TXNRD1: variants seen among roughly 807,000 people sequenced by gnomAD.
TXNRD1 encodes the protein thioredoxin reductase 1.
A neutral mutation model predicts 80.3 loss-of-function variants in TXNRD1; 57 were observed. That is an observed-to-expected ratio of 0.71 (90% CI 0.57 to 0.89). TXNRD1 has a LOEUF of 0.89. Among genes scored for constraint, TXNRD1 ranks in the 40% least tolerant of loss-of-function variants. The pLI, the probability that TXNRD1 is intolerant of heterozygous loss-of-function variation, is 0.00. For missense variants in TXNRD1, 730 were observed against 803.0 expected, an observed-to-expected ratio of 0.91 and a Z score of 1.10; for synonymous variants, 291 against 285.2, an observed-to-expected ratio of 1.02 and a Z score of -0.20.
intron 3 of TXNRD1, among the ~76,000 whole-genome samples, chr12:104,285,155 C>T (rs1343659545): frequency 1.3e-5 from 2 of 152,066 alleles, no homozygotes; most frequent in Non-Finnish European, 2.9e-5. Context: ...GCCAGAGCAA[C>T]AGAGCAAGAG....
chr12:104,342,653 A>G (rs914744792), intron 16 of TXNRD1, among the ~76,000 whole-genome samples: 1 of 152,128 alleles, frequency 6.6e-6, no homozygotes, highest in South Asian at 2.1e-4. Context: ...TTAAAAATAT[A>G]TATTTATTTT....
At chr12:104,230,879 C>A (rs1358485317) in intron 1 of TXNRD1, among the ~76,000 whole-genome samples, 1 of 152,066 alleles carries the variant, frequency 6.6e-6, no homozygotes, top group East Asian at 1.9e-4. Flanking sequence ...AAAATCTGGC[C>A]CTCACACCCT....
At chr12:104,282,914 C>G (rs1197841187) in intron 3 of TXNRD1, 1 of 152,200 alleles carries the variant, frequency 6.6e-6, no homozygotes, top group Non-Finnish European at 1.5e-5. Flanking sequence ...ACACACTAGT[C>G]TTGAACTGCT....
chr12:104,229,782 G>A (rs1019604497), intron 1 of TXNRD1, among the ~76,000 whole-genome samples: 1 of 151,354 alleles, frequency 6.6e-6, no homozygotes, highest in African/African-American at 2.4e-5. Flanking sequence ...TAGTAGAGAT[G>A]GGGTTGCACC....
At position 104,267,657 on chromosome 12, in the gene TXNRD1, C is replaced by CTTTCTTTCTTTCTTTCTTTCTTTG. The variant is rs1565870037; in HGVS notation, c.304+9601_304+9602insGTTTCTTTCTTTCTTTCTTTCTTT. ...CCTAGATGTGATGGTATCTTTCTTTCTTTCTTTCTTTCTTTCTTTCTTTCT... is the reference window on the plus strand; with the variant it reads ...CCTAGATGTGATGGTATCTTTCTTTCTTTCTTTCTTTCTTTCTTTCTTTGTTTCTTTCTTTCTTTCTTTCTTTCT... On this transcript the variant is annotated intron_variant, in intron 3 of 16. Coordinates refer to ENST00000525566, the MANE Select transcript of TXNRD1 (RefSeq NM_001093771.3). Among the ~76,000 whole-genome samples, 19 of 31,240 alleles carry CTTTCTTTCTTTCTTTCTTTCTTTG rather than the reference C, an allele frequency of 6.1e-4. 1 individual carries two copies. The East Asian group carries it at 0.01, about 17-fold the overall frequency. 20.5% of individuals were successfully genotyped at this position (31,240 alleles called of 152,430 possible). A position where few individuals can be genotyped will look rare whatever the true frequency, so the allele number is the denominator to read the frequency against.
At chr12:104,304,973 T>G in intron 4 of TXNRD1, 5 of 1,528,552 alleles carry the variant, frequency 3.3e-6, no homozygotes, top group Non-Finnish European at 4.4e-6. Flanking sequence ...GTGTTTTTTT[T>G]CTGAAGTTAG....
At chr12:104,286,602 T>A (rs11111978) in intron 3 of TXNRD1, 17 of 489,442 alleles carry the variant, frequency 3.5e-5, no homozygotes, top group African/African-American at 8.6e-5. Context: ...TTTTTTTTTT[T>A]AAACGCAGAG....
intron 3 of TXNRD1, among the ~76,000 whole-genome samples, chr12:104,273,535 G>A (rs940808483): frequency 1.3e-5 from 2 of 152,112 alleles, no homozygotes; most frequent in Non-Finnish European, 2.9e-5. Context: ...AGAGGTTGTG[G>A]TGAGCCGAGA....
chr12:104,330,082 C>T lies in TXNRD1; in HGVS notation c.1543-1452C>T, dbSNP rs1266609041. On this transcript the variant is annotated intron_variant, in intron 13 of 16. Transcript: ENST00000525566. ...CACTGTGGTATAAGTGGTTGTCTGCCTTTACTTTTAAATTAGAATTCCAAG... is the reference window on the plus strand; with the variant it reads ...CACTGTGGTATAAGTGGTTGTCTGCTTTTACTTTTAAATTAGAATTCCAAG... Among the ~76,000 whole-genome samples the T allele has an allele frequency of 5.9e-5, 9 of 152,050 alleles. 1 individual carries two copies. Among genetic ancestry groups the T allele is most frequent in the Admixed American group, 4.6e-4 (7 of 15,254 alleles).
At chr12:104,259,731 G>A (rs185359570) in intron 3 of TXNRD1, among the ~76,000 whole-genome samples, 425 of 151,720 alleles carry the variant, frequency 2.8e-3, no homozygotes, top group African/African-American at 1.0e-2. Flanking sequence ...CAGGTGAGCC[G>A]CCCGCCTCAG....
chr12:104,252,134 T>A (rs1243182664), intron 2 of TXNRD1, among the ~76,000 whole-genome samples: 3 of 151,684 alleles, frequency 2.0e-5, no homozygotes, highest in Non-Finnish European at 4.4e-5. Flanking sequence ...AAAATGTGGA[T>A]TTGATAACAA....
chr12:104,219,913 A>G (rs2032312213), intron 1 of TXNRD1, among the ~76,000 whole-genome samples: 1 of 152,212 alleles, frequency 6.6e-6, no homozygotes, highest in Non-Finnish European at 1.5e-5. Context: ...AAGAGAATTA[A>G]TTACATGCTG....
chr12:104,304,645 T>TA, intron 4 of TXNRD1: 3 of 1,613,962 alleles, frequency 1.9e-6, no homozygotes, highest in South Asian at 1.1e-5. Flanking sequence ...AGTATCCTGA[T>TA]ACTCCTGTGT....
At chr12:104,251,157 A>G (rs975008583) in intron 1 of TXNRD1, among the ~76,000 whole-genome samples, 1 of 152,166 alleles carries the variant, frequency 6.6e-6, no homozygotes, top group Admixed American at 6.5e-5. Context: ...CATCTGTCTG[A>G]CATTTGGCCT....
chr12:104,228,965 C>G (rs929871716), intron 1 of TXNRD1, among the ~76,000 whole-genome samples: 1 of 151,828 alleles, frequency 6.6e-6, no homozygotes, highest in Non-Finnish European at 1.5e-5. Context: ...GTGATCCCCC[C>G]GCCTCGGCCT....
At chr12:104,325,083 C>T (rs1252675369) in intron 10 of TXNRD1, among the ~76,000 whole-genome samples, 1 of 152,128 alleles carries the variant, frequency 6.6e-6, no homozygotes, top group African/African-American at 2.4e-5. Flanking sequence ...CTTTTCCCCC[C>T]CATTTTTCTC....
intron 16 of TXNRD1, among the ~76,000 whole-genome samples, chr12:104,348,132 A>G (rs746613839): frequency 6.6e-6 from 1 of 152,236 alleles, no homozygotes; most frequent in Non-Finnish European, 1.5e-5. Context: ...TTCAGTAGAT[A>G]TAACCTAAAT....
intron 14 of TXNRD1, 85 bp downstream of exon 14, chr12:104,331,726 A>G: frequency 1.2e-6 from 1 of 858,968 alleles, no homozygotes. Flanking sequence ...CTTAAAAAAT[A>G]GTACAAAGCA....
At chr12:104,249,673 C>G (rs376781920) in intron 1 of TXNRD1, among the ~76,000 whole-genome samples, 24 of 152,158 alleles carry the variant, frequency 1.6e-4, no homozygotes, top group African/African-American at 5.5e-4. Context: ...CGGTGGTTCA[C>G]GCCTGTAATC....
Sources: allele counts gnomAD v4.1 joint callset (sites outside exome capture counted in the v4.1 genomes callset), GRCh38; gene constraint gnomAD v4.1.1; transcripts MANE v1.5; gene names NCBI Gene and HGNC (gene_info 2026-07-23, HGNC 2026-07-21).